Variants in GRID2 observed in about 807,000 individuals in gnomAD.
GRID2 encodes glutamate receptor ionotropic, delta-2.
A neutral mutation model predicts 114.8 loss-of-function variants in GRID2; 33 were observed. That is an observed-to-expected ratio of 0.29 (90% confidence interval 0.22 to 0.38). The LOEUF (loss-of-function observed/expected upper bound fraction) is 0.38, where lower values mean the gene tolerates loss of function less well. Among genes scored for constraint, GRID2 ranks in the 10% least tolerant of loss-of-function variants. GRID2 has a pLI of 1.00. For synonymous variants in GRID2, 505 were observed against 449.9 expected (o/e 1.12, Z -1.55); for missense variants, 1,184 against 1,257.7 (o/e 0.94, Z 0.89).
intron 11 of GRID2, among the ~76,000 whole-genome samples, chr4:93,486,962 C>A (rs1424929303): frequency 1.3e-5 from 2 of 151,754 alleles, no homozygotes; most frequent in African/African-American, 4.8e-5. Context: ...ACTGGCCTTA[C>A]ATTTTGTGGT....
intron 4 of GRID2, among the ~76,000 whole-genome samples, chr4:93,159,697 T>G (rs1353635018): frequency 6.7e-6 from 1 of 148,524 alleles, no homozygotes; most frequent in African/African-American, 2.6e-5. Flanking sequence ...ATCTGCATTT[T>G]TTTTTTTTTT....
At chr4:92,557,645 T>TTATATATATATATATA (rs138046427) in intron 1 of GRID2, among the ~76,000 whole-genome samples, 35 of 142,682 alleles carry the variant, frequency 2.5e-4, no homozygotes, top group Middle Eastern at 7.4e-3. Context: ...ATATATATGG[T>TTATATATATATATATA]TATATATATA....
chr4:92,325,298 T>C (rs1726535583), intron 1 of GRID2, among the ~76,000 whole-genome samples: 1 of 151,854 alleles, frequency 6.6e-6, no homozygotes, highest in South Asian at 2.1e-4. Flanking sequence ...GCTTGAAGGG[T>C]CAAATGAAAA....
chr4:92,593,604 T>C (rs1728809127), intron 2 of GRID2, among the ~76,000 whole-genome samples: 1 of 151,918 alleles, frequency 6.6e-6, no homozygotes, highest in South Asian at 2.1e-4. Context: ...TCAATGACTG[T>C]ATCTGTTAAT....
chr4:92,537,851 C>T (rs1191202915), intron 1 of GRID2, among the ~76,000 whole-genome samples: 1 of 149,156 alleles, frequency 6.7e-6, no homozygotes, highest in African/African-American at 2.5e-5. Context: ...CAAGACCACC[C>T]AGAGAATTAG....
In GRID2 at chr4:92,793,476, G is replaced by C. The variant is rs76365044; in HGVS notation, c.244+203190G>C. Among the ~76,000 whole-genome samples the C allele has an allele frequency of 8.2e-3, 1,237 of 151,166 alleles. 23 individuals carry two copies. Among genetic ancestry groups the C allele is most frequent in the African/African-American group, 0.028 (1,170 of 41,200 alleles). ...TAACACCTGGGAGATGAAATAATTT[G>C]TACCACAAACCCCCATGACACAAGT... On this transcript the variant is annotated intron_variant, in intron 2 of 15. Coordinates refer to ENST00000282020, the MANE Select transcript of GRID2 (RefSeq NM_001510.4).
chr4:93,376,880 A>G (rs947003867), intron 8 of GRID2, among the ~76,000 whole-genome samples: 1 of 152,182 alleles, frequency 6.6e-6, no homozygotes, highest in Non-Finnish European at 1.5e-5. Context: ...TGGGCTTAAT[A>G]CCTGGGTGAT....
chr4:92,502,874 C>A (rs1363580686), intron 1 of GRID2, among the ~76,000 whole-genome samples: 4 of 151,816 alleles, frequency 2.6e-5, no homozygotes, highest in South Asian at 2.1e-4. Flanking sequence ...CCTGCCACCA[C>A]GCCCAGCTGA....
intron 2 of GRID2, among the ~76,000 whole-genome samples, chr4:92,749,251 C>T (rs111527776): frequency 1.3e-3 from 204 of 151,660 alleles, no homozygotes; most frequent in African/African-American, 4.8e-3. Context: ...ATCTGCCCGC[C>T]TCCCAAAGTA....
intron 2 of GRID2, among the ~76,000 whole-genome samples, chr4:92,994,127 A>G (rs2149207675): frequency 6.6e-6 from 1 of 152,266 alleles, no homozygotes; most frequent in South Asian, 2.1e-4. Context: ...CCAATCCAGA[A>G]TTGCATTTAA....
At chr4:92,694,023 G>C (rs185116731) in intron 2 of GRID2, among the ~76,000 whole-genome samples, 1 of 152,076 alleles carries the variant, frequency 6.6e-6, no homozygotes, top group Non-Finnish European at 1.5e-5. Context: ...GACAGATTGA[G>C]GATTTGTGTG....
At chr4:92,451,897 A>G (rs1396461147) in intron 1 of GRID2, among the ~76,000 whole-genome samples, 1 of 152,214 alleles carries the variant, frequency 6.6e-6, no homozygotes, top group East Asian at 1.9e-4. Flanking sequence ...AGATGTTTGT[A>G]ATATAGCCAG....
At chr4:93,083,131 C>A (rs1325933515) in intron 2 of GRID2, among the ~76,000 whole-genome samples, 3 of 151,898 alleles carry the variant, frequency 2.0e-5, no homozygotes, top group Non-Finnish European at 2.9e-5. Flanking sequence ...AACTGTGTAC[C>A]CCTTAAGGCA....
chr4:93,627,840 T>C (rs893052401), intron 14 of GRID2, among the ~76,000 whole-genome samples: 5 of 151,952 alleles, frequency 3.3e-5, no homozygotes, highest in African/African-American at 1.2e-4. Flanking sequence ...ATCAATAGAG[T>C]GGGTAAATGT....
chr4:92,933,064 C>G (rs922477782), intron 2 of GRID2, among the ~76,000 whole-genome samples: 1 of 150,710 alleles, frequency 6.6e-6, no homozygotes, highest in East Asian at 1.9e-4. Context: ...TTAAAAACCT[C>G]TCCATTTTAT....
intron 2 of GRID2, among the ~76,000 whole-genome samples, chr4:93,037,891 T>A (rs1578815172): frequency 6.6e-6 from 1 of 152,216 alleles, no homozygotes; most frequent in South Asian, 2.1e-4. Context: ...AGCTTTCTTC[T>A]TTTTTATTAG....
chr4:92,816,045 G>A (rs1190602081), intron 2 of GRID2, among the ~76,000 whole-genome samples: 3 of 151,002 alleles, frequency 2.0e-5, no homozygotes, highest in African/African-American at 7.3e-5. Context: ...GCCAAGCATG[G>A]TGGCTCATGC....
intron 13 of GRID2, among the ~76,000 whole-genome samples, chr4:93,594,513 C>G (rs574178468): frequency 0.015 from 2,243 of 152,176 alleles, 13 homozygotes; most frequent in Non-Finnish European, 0.017. Context: ...TTTTGTTTGT[C>G]TGTGCCCTGC....
chr4:93,546,849 A>G (rs1273773758), intron 13 of GRID2, among the ~76,000 whole-genome samples: 1 of 152,098 alleles, frequency 6.6e-6, no homozygotes, highest in Non-Finnish European at 1.5e-5. Flanking sequence ...TTGGTGAACC[A>G]TCTTGAGGTC....
Sources: gnomAD v4.1 joint callset for allele counts (sites outside exome capture counted in the v4.1 genomes callset) on GRCh38, gnomAD v4.1.1 for gene constraint, MANE v1.5 for transcripts, NCBI Gene and HGNC (gene_info 2026-07-23, HGNC 2026-07-21) for gene names.